Variants in SPMIP3 observed in about 807,000 individuals in gnomAD.
SPMIP3 encodes the protein sperm microtubule inner protein 3, also known as protein SPMIP3.
chr1:244,365,097 C>A, the SPMIP3 span, among the ~76,000 whole-genome samples: 3 of 152,136 alleles, frequency 2.0e-5, no homozygotes. Flanking sequence ...GATTTAGATA[C>A]CATAGGGGAA....
the SPMIP3 span, chr1:244,375,156 A>G: frequency 2.9e-6 from 1 of 343,816 alleles, no homozygotes; most frequent in East Asian, 4.8e-5. Flanking sequence ...GGGAGGAGGG[A>G]GGCCTGCGAG....
At chr1:244,389,426 A>G in the SPMIP3 span, 1 of 164,492 alleles carries the variant, frequency 6.1e-6, no homozygotes, top group East Asian at 1.7e-4. Context: ...GACATGGCCA[A>G]TTATAAAGAA....
At chr1:244,379,292 C>T in the SPMIP3 span, among the ~76,000 whole-genome samples, 26 of 151,520 alleles carry the variant, frequency 1.7e-4, no homozygotes, top group Admixed American at 1.6e-3. Flanking sequence ...GTCTTGAACT[C>T]CTGGCCTAAA....
At chr1:244,381,964 T>C in the SPMIP3 span, among the ~76,000 whole-genome samples, 1 of 152,190 alleles carries the variant, frequency 6.6e-6, no homozygotes, top group Non-Finnish European at 1.5e-5. Context: ...TCACTTCTGA[T>C]GTATCCTGTT....
the SPMIP3 span, among the ~76,000 whole-genome samples, chr1:244,365,095 T>C: frequency 6.6e-6 from 1 of 152,174 alleles, no homozygotes; most frequent in African/African-American, 2.4e-5. Context: ...AGGATTTAGA[T>C]ACCATAGGGG....
the SPMIP3 span, among the ~76,000 whole-genome samples, chr1:244,361,235 C>CTTTTTT: frequency 1.2e-4 from 14 of 119,304 alleles, no homozygotes; most frequent in East Asian, 3.4e-3. Context: ...TTCTTTCTTT[C>CTTTTTT]TTTTTTTTTT....
chr1:244,353,280 C>G, the SPMIP3 span, among the ~76,000 whole-genome samples: 1 of 152,062 alleles, frequency 6.6e-6, no homozygotes. Flanking sequence ...CGTGGCGGCT[C>G]ACACCTATAA....
At chr1:244,387,085 T>C in the SPMIP3 span, among the ~76,000 whole-genome samples, 616 of 152,298 alleles carry the variant, frequency 4.0e-3, 4 homozygotes, top group African/African-American at 0.014. Flanking sequence ...GGCGGATCAC[T>C]TGGGGTCAGG....
At chr1:244,382,597 G>A in the SPMIP3 span, among the ~76,000 whole-genome samples, 1 of 139,956 alleles carries the variant, frequency 7.1e-6, no homozygotes, top group Admixed American at 8.2e-5. Context: ...TACTCTGGCT[G>A]CTGTTTTTTT....
chr1:244,375,415 C>T, the SPMIP3 span: 3 of 1,613,926 alleles, frequency 1.9e-6, no homozygotes, highest in South Asian at 1.1e-5. Context: ...AGGCTATTAC[C>T]CTGGGCAGCT....
chr1:244,378,412 A>T, the SPMIP3 span: 1 of 1,524,182 alleles, frequency 6.6e-7, no homozygotes, highest in Non-Finnish European at 8.9e-7. Context: ...CTGACGAGAA[A>T]ATGGACTGCT....
chr1:244,367,187 A>G, the SPMIP3 span, among the ~76,000 whole-genome samples: 117,353 of 151,892 alleles, frequency 0.77, 45,607 homozygotes, highest in East Asian at 0.92. Context: ...GAAGGTTGGG[A>G]CGGTAGAGGC....
chr1:244,386,484 T>C, the SPMIP3 span, among the ~76,000 whole-genome samples: 10 of 152,246 alleles, frequency 6.6e-5, no homozygotes, highest in Non-Finnish European at 1.3e-4. Context: ...ACATTGACTG[T>C]TGAGTTCACC....
At chr1:244,374,760 CT>C in the SPMIP3 span, among the ~76,000 whole-genome samples, 4 of 150,548 alleles carry the variant, frequency 2.7e-5, no homozygotes, top group African/African-American at 4.9e-5. Flanking sequence ...CCACGTCCAG[CT>C]TTTTTTTTGT....
chr1:244,373,425 C>T, the SPMIP3 span, among the ~76,000 whole-genome samples: 1 of 146,882 alleles, frequency 6.8e-6, no homozygotes, highest in Non-Finnish European at 1.5e-5. Context: ...ATCTCTGGAT[C>T]CCAGGAGTTA....
chr1:244,375,595 A>G, the SPMIP3 span: 39 of 587,464 alleles, frequency 6.6e-5, no homozygotes, highest in South Asian at 9.7e-4. Context: ...AATGGATAGA[A>G]GAGGTTTGCA....
At chr1:244,375,401 T>C in the SPMIP3 span, 7 of 1,613,910 alleles carry the variant, frequency 4.3e-6, no homozygotes, top group Non-Finnish European at 5.9e-6. Context: ...GGAAGAGACG[T>C]TCAAGGCTAT....
the SPMIP3 span, chr1:244,375,607 G>A: frequency 9.7e-6 from 5 of 517,782 alleles, no homozygotes; most frequent in South Asian, 6.4e-5. Context: ...AGGTTTGCAA[G>A]AAAATATACC....
the SPMIP3 span, among the ~76,000 whole-genome samples, chr1:244,372,601 A>G: frequency 7.9e-5 from 12 of 151,950 alleles, no homozygotes; most frequent in South Asian, 2.1e-4. Context: ...CCGCCACCAC[A>G]CCTGGCTAAT....
Sources: gnomAD v4.1 joint callset for allele counts (sites outside exome capture counted in the v4.1 genomes callset) on GRCh38, gnomAD v4.1.1 for gene constraint, MANE v1.5 for transcripts, NCBI Gene and HGNC (gene_info 2026-07-23, HGNC 2026-07-21) for gene names.